The following PDE1C variants were observed in gnomAD, a reference collection of about 807,000 sequenced individuals.
PDE1C encodes phosphodiesterase 1C.
A neutral mutation model predicts 93.1 loss-of-function variants in PDE1C; 62 were observed. The ratio of observed to expected loss-of-function variants is 0.67; its 90% CI spans 0.54 to 0.82. The LOEUF (loss-of-function observed/expected upper bound fraction) is 0.82. Among genes scored for constraint, PDE1C ranks in the 40% least tolerant of loss-of-function variants. The pLI, the probability that PDE1C is intolerant of heterozygous loss-of-function variation, is 0.00. For synonymous variants in PDE1C, 325 were observed against 310.1 expected, an observed-to-expected ratio of 1.05 and a Z score of -0.50; for missense variants, 742 against 884.6, an observed-to-expected ratio of 0.84 and a Z score of 2.04.
At chr7:32,316,001 A>T (rs146895645) in intron 1 of PDE1C, among the ~76,000 whole-genome samples, 99 of 152,294 alleles carry the variant, frequency 6.5e-4, no homozygotes, top group African/African-American at 1.5e-3. Flanking sequence ...CATCTCAAAA[A>T]ATATATATAT....
chr7:32,192,968 C>A (rs1212976775), intron 2 of PDE1C, among the ~76,000 whole-genome samples: 1 of 152,004 alleles, frequency 6.6e-6, no homozygotes, highest in African/African-American at 2.4e-5. Context: ...TATTTTTATA[C>A]AGGAATAGAA....
At chr7:31,749,746 TTTTTTA>T (rs1170326274), downstream of PDE1C, among the ~76,000 whole-genome samples, 3 of 146,932 alleles carry the variant, frequency 2.0e-5, no homozygotes, top group Admixed American at 6.8e-5. Context: ...TTTTTTTTTT[TTTTTTA>T]TTTGAGACAG....
intron 1 of PDE1C, among the ~76,000 whole-genome samples, chr7:32,271,143 G>A (rs1474203171): frequency 1.3e-5 from 2 of 151,912 alleles, no homozygotes; most frequent in East Asian, 1.9e-4. Flanking sequence ...ATCTCAAAAC[G>A]ACAACAACAA....
chr7:32,039,688 T>C (rs1338862455), intron 2 of PDE1C, among the ~76,000 whole-genome samples: 2 of 152,212 alleles, frequency 1.3e-5, no homozygotes, highest in Non-Finnish European at 2.9e-5. Flanking sequence ...GTATACTAAG[T>C]AGGAATCTAT....
At chr7:31,674,996 A>C in the PDE1C span, among the ~76,000 whole-genome samples, 4 of 152,220 alleles carry the variant, frequency 2.6e-5, no homozygotes, top group African/African-American at 7.2e-5. Context: ...GGGATTTAGA[A>C]GGTGGCAAAA....
intron 2 of PDE1C, among the ~76,000 whole-genome samples, chr7:32,196,543 A>G (rs1804636493): frequency 1.3e-5 from 2 of 152,002 alleles, no homozygotes; most frequent in Admixed American, 1.3e-4. Flanking sequence ...CCTTCAGAGT[A>G]TTCTTTTGTT....
intron 2 of PDE1C, among the ~76,000 whole-genome samples, chr7:32,047,711 T>G (rs1030423005): frequency 7.1e-4 from 100 of 140,524 alleles, no homozygotes; most frequent in Admixed American, 2.4e-3. Context: ...AAGCTGTGGG[T>G]TTTTTTTTTC....
intron 16 of PDE1C, among the ~76,000 whole-genome samples, chr7:31,782,413 C>T (rs1310269030): frequency 6.6e-6 from 1 of 152,080 alleles, no homozygotes; most frequent in Non-Finnish European, 1.5e-5. Context: ...TCGATACTTT[C>T]CAAATTGAGT....
chr7:32,206,183 G>A (rs1050674334), intron 2 of PDE1C, among the ~76,000 whole-genome samples: 1 of 152,120 alleles, frequency 6.6e-6, no homozygotes, highest in Non-Finnish European at 1.5e-5. Flanking sequence ...TCTCCCACTA[G>A]CATGTAGGAG....
At chr7:32,178,618 G>C (rs372847001) in intron 2 of PDE1C, among the ~76,000 whole-genome samples, 1 of 152,094 alleles carries the variant, frequency 6.6e-6, no homozygotes, top group African/African-American at 2.4e-5. Flanking sequence ...CAGGAGGTGA[G>C]CATCTCCCTT....
chr7:31,979,520 G>C (rs1322811623), intron 2 of PDE1C, among the ~76,000 whole-genome samples: 2 of 152,088 alleles, frequency 1.3e-5, no homozygotes, highest in African/African-American at 4.8e-5. Context: ...CCCTTTTGAG[G>C]AAACAGCCAC....
At chr7:31,709,925 G>A in the PDE1C span, among the ~76,000 whole-genome samples, 2 of 152,198 alleles carry the variant, frequency 1.3e-5, no homozygotes, top group Non-Finnish European at 2.9e-5. Context: ...TCGAGGGGGA[G>A]CATCACTTGA....
Position 31,963,703 on chromosome 7 carries a change from G to C in PDE1C, c.129-82843C>G, listed in dbSNP as rs148918961. Among the ~76,000 whole-genome samples the C allele has an allele frequency of 1.6e-3, 249 of 152,272 alleles. 1 individual carries two copies. Among genetic ancestry groups the C allele is most frequent in the African/African-American group, 5.6e-3 (233 of 41,560 alleles). On this transcript the variant is annotated intron_variant, in intron 2 of 17. Coordinates refer to ENST00000396191, the MANE Select transcript of PDE1C (RefSeq NM_001191057.4). Reference sequence around the variant, plus strand: ...GGGAGGAACAACTAGAAGTGAATTTGAATTGGTTTCCTTGCAAGAGACAGA... The same window carrying C: ...GGGAGGAACAACTAGAAGTGAATTTCAATTGGTTTCCTTGCAAGAGACAGA...
intron 3 of PDE1C, among the ~76,000 whole-genome samples, chr7:32,158,393 T>A (rs1381029116): frequency 6.6e-6 from 1 of 152,144 alleles, no homozygotes; most frequent in African/African-American, 2.4e-5. Context: ...TAGGAGGAAA[T>A]TGGACCTAGC....
chr7:32,188,207 A>G (rs1043644296), intron 2 of PDE1C, among the ~76,000 whole-genome samples: 34 of 20,586 alleles, frequency 1.7e-3, no homozygotes, highest in Non-Finnish European at 5.3e-4. Context: ...GCTAGTATAT[A>G]TGAAATTGGG....
chr7:32,380,880 C>T (rs1784520967), intron 1 of PDE1C, among the ~76,000 whole-genome samples: 1 of 151,994 alleles, frequency 6.6e-6, no homozygotes, highest in African/African-American at 2.4e-5. Flanking sequence ...TTTGTTGTCA[C>T]TCCCCAGGTG....
intron 17 of PDE1C, among the ~76,000 whole-genome samples, chr7:31,769,565 C>T (rs1795351077): frequency 6.6e-6 from 1 of 152,192 alleles, no homozygotes; most frequent in African/African-American, 2.4e-5. Flanking sequence ...TAGTTTATGG[C>T]AATTTGTCTA....
At chr7:32,377,324 C>T (rs144414295) in intron 1 of PDE1C, among the ~76,000 whole-genome samples, 121 of 152,272 alleles carry the variant, frequency 7.9e-4, no homozygotes, top group African/African-American at 2.7e-3. Context: ...CTCTGTTTTC[C>T]CAAAGCACTT....
intron 3 of PDE1C, among the ~76,000 whole-genome samples, chr7:32,127,437 C>A (rs1166533663): frequency 6.6e-6 from 1 of 151,984 alleles, no homozygotes; most frequent in Non-Finnish European, 1.5e-5. Context: ...ATAATAGGAA[C>A]TCCTGAAGAA....
Sources: allele counts gnomAD v4.1 joint callset (sites outside exome capture counted in the v4.1 genomes callset), GRCh38; gene constraint gnomAD v4.1.1; transcripts MANE v1.5; gene names NCBI Gene and HGNC (gene_info 2026-07-23, HGNC 2026-07-21).